Variants in FRMPD4 observed in about 807,000 individuals in gnomAD.
FRMPD4 encodes the protein FERM and PDZ domain containing 4, also known as FERM and PDZ domain-containing protein 4.
FRMPD4 carries 22 observed loss-of-function variants against 94.1 expected under a neutral mutation model. The observed-to-expected ratio is 0.23, with a 90% CI of 0.17 to 0.33. FRMPD4 has a LOEUF of 0.33. Among genes scored for constraint, FRMPD4 ranks in the 10% least tolerant of loss-of-function variants. The pLI is 1.00. For synonymous variants in FRMPD4, 631 were observed against 548.6 expected (o/e 1.15, Z -2.10); for missense variants, 1,111 against 1,339.9 (o/e 0.83, Z 2.67).
intron 1 of FRMPD4, among the ~76,000 whole-genome samples, chrX:11,864,855 G>A (rs966991850): frequency 9.0e-6 from 1 of 110,829 alleles, no homozygotes; most frequent in Non-Finnish European, 1.9e-5. Context: ...ATGTTCTTGT[G>A]CAGAAAAATG....
At chrX:12,024,111 C>T (rs1371141908) in intron 3 of FRMPD4, among the ~76,000 whole-genome samples, 1 of 111,968 alleles carries the variant, frequency 8.9e-6, no homozygotes, top group Non-Finnish European at 1.9e-5. Flanking sequence ...CTTCCATTTC[C>T]ATTTCTTTTA....
rs2042220753 is a variant in FRMPD4 at position 12,720,633 on chromosome X, C to T, written c.4064C>T (p.Ser1355Leu). 1.4e-5 allele frequency: 17 copies of T among 1,177,342 alleles called. No homozygotes were observed. The highest frequency in any genetic ancestry group is 9.0e-5 in the East Asian group (3 of 33,153). The stretch of plus-strand genomic sequence containing the variant: ...ATCCTGCTACCATCAAACATTCACT[C>T]GGAATCAAAGGTGCCAATTCCAAAT... ...DPILLPSNIH[S>L]ESKVPIPNQD... Residue 1355 changes from serine to leucine, a missense_variant, in exon 17 of 17, where the codon TCG becomes TTG. Physicochemically the swap from Ser to Leu is moderately radical, Grantham distance 145. This residue lies in a region of FRMPD4 where 551 missense variants were observed against 591.6 expected (regional missense o/e 0.93). Transcript: ENST00000675598.
intron 1 of FRMPD4, among the ~76,000 whole-genome samples, chrX:12,477,374 C>T (rs1253574734): frequency 8.9e-6 from 1 of 111,925 alleles, no homozygotes; most frequent in African/African-American, 3.3e-5. Context: ...TTAACGGGTG[C>T]AGCACACCAA....
intron 3 of FRMPD4, among the ~76,000 whole-genome samples, chrX:12,060,284 G>C (rs867807863): frequency 1.5e-5 from 1 of 67,834 alleles, no homozygotes; most frequent in South Asian, 6.7e-4. Flanking sequence ...TTTTTTTTTT[G>C]ATATTTTAAT....
intron 1 of FRMPD4, among the ~76,000 whole-genome samples, chrX:12,215,673 C>T (rs1339122021): frequency 5.4e-5 from 6 of 111,932 alleles, no homozygotes; most frequent in African/African-American, 1.9e-4. Flanking sequence ...GATACATAAT[C>T]CATATCCACA....
At chrX:12,632,881 T>G (rs1276408901) in intron 4 of FRMPD4, among the ~76,000 whole-genome samples, 1 of 112,486 alleles carries the variant, frequency 8.9e-6, no homozygotes, top group Non-Finnish European at 1.9e-5. Flanking sequence ...AAGGATTTTG[T>G]ACTCCCTTGC....
chrX:11,978,321 C>CAAAAAAA (rs1172824155), intron 3 of FRMPD4, among the ~76,000 whole-genome samples: 5 of 16,355 alleles, frequency 3.1e-4, no homozygotes, highest in African/African-American at 6.7e-4. Flanking sequence ...AACTCCATCT[C>CAAAAAAA]AAAAAAAAAA....
rs370532178 is a variant in FRMPD4, at chrX:11,825,925, G to A, written c.-161+3210G>A. Among the ~76,000 whole-genome samples the A allele has an allele frequency of 2.4e-4, 27 of 112,033 alleles. No homozygotes were observed. In the South Asian group the frequency reaches 8.2e-3, roughly 34 times the overall value. Reference sequence around the variant, plus strand: ...TGTTTTATTGTCACCTTTACCTCATGGATTCATTTTTGGTTTTTAATAGAG... The same window carrying A: ...TGTTTTATTGTCACCTTTACCTCATAGATTCATTTTTGGTTTTTAATAGAG... On this transcript the variant is annotated intron_variant, in intron 1 of 18. Transcript: ENST00000640291.
At chrX:12,221,962 A>G (rs1208455647) in intron 1 of FRMPD4, among the ~76,000 whole-genome samples, 2 of 112,333 alleles carry the variant, frequency 1.8e-5, no homozygotes, top group African/African-American at 6.5e-5. Context: ...AAGTGAAAAT[A>G]AAGATATGTA....
At chrX:12,693,031 GA>G (rs1305961648) in intron 8 of FRMPD4, among the ~76,000 whole-genome samples, 2 of 112,165 alleles carry the variant, frequency 1.8e-5, no homozygotes, top group Non-Finnish European at 3.8e-5. Flanking sequence ...GACTACTCAG[GA>G]TGCCCACATA....
intron 1 of FRMPD4, among the ~76,000 whole-genome samples, chrX:12,330,709 G>T (rs190369211): frequency 1.3e-4 from 15 of 111,284 alleles, no homozygotes; most frequent in African/African-American, 4.6e-4. Flanking sequence ...TTTGTTTGCC[G>T]CAGTGCCCTT....
At chrX:12,557,106 G>C (rs946709554) in intron 2 of FRMPD4, among the ~76,000 whole-genome samples, 2 of 112,086 alleles carry the variant, frequency 1.8e-5, no homozygotes, top group Non-Finnish European at 3.8e-5. Context: ...CATTCAGCCA[G>C]GGCATATAAG....
chrX:12,673,210 C>G (rs1159588047), intron 4 of FRMPD4, among the ~76,000 whole-genome samples: 1 of 112,245 alleles, frequency 8.9e-6, no homozygotes, highest in African/African-American at 3.2e-5. Context: ...ACATGGCTAC[C>G]ACGCTCACAC....
intron 1 of FRMPD4, among the ~76,000 whole-genome samples, chrX:11,854,576 G>A (rs1370342966): frequency 8.9e-6 from 1 of 112,264 alleles, no homozygotes; most frequent in Non-Finnish European, 1.9e-5. Flanking sequence ...TTCCAAATGG[G>A]AGAAATTGGC....
intron 3 of FRMPD4, among the ~76,000 whole-genome samples, chrX:11,950,771 G>A (rs1450782105): frequency 9.0e-6 from 1 of 111,350 alleles, no homozygotes; most frequent in Non-Finnish European, 1.9e-5. Context: ...TTATTAAAAA[G>A]TCAAGGCTGG....
intron 3 of FRMPD4, among the ~76,000 whole-genome samples, chrX:11,964,245 C>T (rs1039883846): frequency 9.1e-6 from 1 of 109,676 alleles, no homozygotes; most frequent in African/African-American, 3.3e-5. Context: ...CTGCAAGTTC[C>T]GCCTCCTGGG....
intron 3 of FRMPD4, among the ~76,000 whole-genome samples, chrX:12,092,834 A>G (rs760165887): frequency 3.5e-4 from 39 of 111,847 alleles, no homozygotes; most frequent in Non-Finnish European, 7.1e-4. Context: ...CTTCTACAGT[A>G]TGATGGAAAG....
intron 2 of FRMPD4, among the ~76,000 whole-genome samples, chrX:12,550,466 T>C (rs1016733948): frequency 7.2e-5 from 8 of 111,556 alleles, no homozygotes; most frequent in Non-Finnish European, 1.5e-4. Flanking sequence ...TATCTATTTA[T>C]TTTTCCCAGG....
At chrX:12,105,133 A>G (rs906015795) in intron 3 of FRMPD4, among the ~76,000 whole-genome samples, 11 of 111,182 alleles carry the variant, frequency 9.9e-5, no homozygotes, top group East Asian at 2.8e-4. Flanking sequence ...TTGCCATTCA[A>G]TTTTGCCCAT....
Sources: gnomAD v4.1 joint callset for allele counts (sites outside exome capture counted in the v4.1 genomes callset) on GRCh38, gnomAD v4.1.1 for gene constraint, gnomAD v4.1.1 regional missense constraint, MANE v1.5 for transcripts, NCBI Gene and HGNC (gene_info 2026-07-23, HGNC 2026-07-21) for gene names.